YLPM1: variants seen among roughly 807,000 people sequenced by gnomAD.
The protein encoded by YLPM1 is YLP motif containing 1.
Under a neutral mutation model 230.0 loss-of-function variants are expected in YLPM1, and 99 were observed. The observed-to-expected ratio is 0.43, with a 90% CI of 0.37 to 0.51. The LOEUF (loss-of-function observed/expected upper bound fraction) is 0.51, where lower values mean the gene tolerates loss of function less well. Among genes scored for constraint, YLPM1 ranks in the 20% least tolerant of loss-of-function variants. YLPM1 has a pLI of 0.00. For missense variants in YLPM1, 2,592 were observed against 2,707.7 expected (o/e 0.96, Z 0.95); for synonymous variants, 984 against 942.5 (o/e 1.04, Z -0.81).
At chr14:74,775,086 A>G (rs2091021023) in intron 1 of YLPM1, among the ~76,000 whole-genome samples, 2 of 152,230 alleles carry the variant, frequency 1.3e-5, no homozygotes, top group Non-Finnish European at 2.9e-5. Context: ...GCTGATGATT[A>G]TATGTATAAT....
In YLPM1 at chr14:74,799,385, G is replaced by T; in HGVS notation, c.4088G>T (p.Arg1363Leu). 1.2e-6 allele frequency: 2 copies of T among 1,614,002 alleles called. No individual in the cohort carries two copies. The highest frequency in any genetic ancestry group is 1.7e-6 in the Non-Finnish European group (2 of 1,179,892). Residue 1363 changes from arginine (R) to leucine (L), a missense_variant, in exon 5 of 21, where the codon CGA becomes CTA. Transcript: ENST00000325680. Reference protein sequence around the residue: ...EERNREHGYDRDFRDRGELRI... With the variant: ...EERNREHGYDLDFRDRGELRI... ...AGAAATCGAGAGCATGGGTATGATC[G>T]AGATTTCCGTGATAGGGGTGAGTTG...
chr14:74,779,106 T>C (rs2091069412), intron 2 of YLPM1, among the ~76,000 whole-genome samples: 1 of 152,050 alleles, frequency 6.6e-6, no homozygotes, highest in South Asian at 2.1e-4. Context: ...CCTCCCAAAG[T>C]GCTTGGATTA....
At chr14:74,825,454 A>G (rs1295034899) in intron 18 of YLPM1, among the ~76,000 whole-genome samples, 1 of 152,150 alleles carries the variant, frequency 6.6e-6, no homozygotes, top group Admixed American at 6.6e-5. Flanking sequence ...ATATTCTTCT[A>G]GTAGTCTTCC....
At chr14:74,834,367 A>C (rs1385849300) in intron 19 of YLPM1, among the ~76,000 whole-genome samples, 1 of 152,200 alleles carries the variant, frequency 6.6e-6, no homozygotes, top group African/African-American at 2.4e-5. Context: ...TGAAAGTAAT[A>C]ATACCAGCTT....
intron 1 of YLPM1, among the ~76,000 whole-genome samples, chr14:74,774,733 G>A (rs1429939602): frequency 2.6e-5 from 4 of 151,252 alleles, no homozygotes; most frequent in Non-Finnish European, 5.9e-5. Flanking sequence ...TTGTAGAGAC[G>A]GGGTTTCACC....
intron 1 of YLPM1, among the ~76,000 whole-genome samples, chr14:74,768,319 G>A (rs771743154): frequency 2.6e-5 from 4 of 151,974 alleles, no homozygotes; most frequent in Non-Finnish European, 4.4e-5. Flanking sequence ...GTGAAATCTC[G>A]GCTCACTGCA....
chr14:74,808,555 C>T (rs1284195819), intron 6 of YLPM1, among the ~76,000 whole-genome samples: 1 of 152,046 alleles, frequency 6.6e-6, no homozygotes, highest in Non-Finnish European at 1.5e-5. Flanking sequence ...GTAATCCCAG[C>T]ATTTTGGGAG....
intron 18 of YLPM1, among the ~76,000 whole-genome samples, chr14:74,828,993 C>T (rs750010274): frequency 2.0e-5 from 3 of 152,112 alleles, no homozygotes; most frequent in East Asian, 1.9e-4. Flanking sequence ...AAACCAACAT[C>T]GTAAACATAA....
intron 1 of YLPM1, among the ~76,000 whole-genome samples, chr14:74,766,356 T>C (rs1044215350): frequency 6.6e-6 from 1 of 152,206 alleles, no homozygotes; most frequent in South Asian, 2.1e-4. Flanking sequence ...AAATTTCTTA[T>C]CGTGAAATAT....
At chr14:74,802,217 CAAAAAAAAAAAA>C in intron 5 of YLPM1, among the ~76,000 whole-genome samples, 1 of 95,028 alleles carries the variant, frequency 1.1e-5, no homozygotes, top group South Asian at 3.2e-4. Flanking sequence ...GACTCTGTCT[CAAAAAAAAAAAA>C]AAAAAAATAG....
At chr14:74,810,510 T>C in intron 9 of YLPM1, 90 bp downstream of exon 9, 3 of 1,320,706 alleles carry the variant, frequency 2.3e-6, no homozygotes, top group Non-Finnish European at 1.0e-6. Context: ...TAACATATTC[T>C]TCTCATGCAT....
chr14:74,778,650 A>C lies in YLPM1; in HGVS notation c.1077A>C (p.Glu359Asp). 2 of 1,582,048 alleles carry C rather than the reference A, an allele frequency of 1.3e-6. No homozygotes were observed. The highest frequency in any genetic ancestry group is 1.7e-4 in the Middle Eastern group (1 of 5,994). Residue 359 changes from glutamate (E) to aspartate (D), a missense_variant, in exon 2 of 21, where the codon GAA becomes GAC. Around this residue, in one of 4 missense-constraint regions of YLPM1, gnomAD observed 1,862 missense variants for 1,819.8 expected, o/e 1.02. Transcript: ENST00000325680. Reference sequence around the variant, plus strand: ...CCCCATTGCCACCTCCAAATGAGGAAGTGCCACCTCCTCTCCCACCTGAGG... The same window carrying C: ...CCCCATTGCCACCTCCAAATGAGGACGTGCCACCTCCTCTCCCACCTGAGG... ...EEPPLPPPNE[E>D]VPPPLPPEEP...
Position 74,803,726 on chromosome 14 carries a change from CCTCCATCTTG to C in YLPM1, c.4521+1063_4521+1072del, listed in dbSNP as rs369131452. Among the ~76,000 whole-genome samples the C allele has an allele frequency of 3.9e-3, 600 of 152,288 alleles. 5 individuals are homozygous for C. The highest frequency in any genetic ancestry group is 0.012 in the African/African-American group (509 of 41,544). ...CCTAACTTGAAACCTGAAAATCAAC[CCTCCATCTTG>C]CTCCATCTTGCTGATTTGTCCTACC... On this transcript the variant is annotated intron_variant, in intron 6 of 20. Transcript: ENST00000325680.
At position 74,780,664 on chromosome 14, in the gene YLPM1, A is replaced by C. The variant is rs962704422; in HGVS notation, c.1290+80A>C. 4 of 1,497,310 alleles carry C rather than the reference A, an allele frequency of 2.7e-6. No individual in the cohort carries two copies. The Admixed American group carries it at 6.5e-5, about 24-fold the overall frequency. 92.8% of individuals were successfully genotyped at this position (1,497,310 alleles called of 1,614,324 possible). A position where few individuals can be genotyped will look rare whatever the true frequency, so the allele number is the denominator to read the frequency against. On this transcript the variant is annotated intron_variant, in intron 3 of 20. Transcript: ENST00000325680. Reference sequence around the variant, plus strand: ...TGTTATTCTTGAAAGATTTAAGTGTAAAAAACAAAAGATACCAACTGTTGA... The same window carrying C: ...TGTTATTCTTGAAAGATTTAAGTGTCAAAAACAAAAGATACCAACTGTTGA...
intron 16 of YLPM1, 80 bp downstream of exon 16, chr14:74,818,394 A>G (rs1203807564): frequency 1.6e-6 from 2 of 1,232,152 alleles, no homozygotes; most frequent in African/African-American, 3.0e-5. Flanking sequence ...TAAAACCTAC[A>G]GAAAAGTTAT....
In YLPM1 at chr14:74,798,751, A is replaced by G. The variant is rs1475307783; in HGVS notation, c.3454A>G (p.Ser1152Gly). ...GAGAGGACCACCTCGAGGGCCTGGC[A>G]GTCGAGAAAGGGGACTGGGAAGATC... ...RERGPPRGPG[S>G]RERGLGRSDF... The change falls in exon 5 of 21, where the codon AGT becomes GGT. Residue 1152 changes from serine to glycine, a missense_variant. Ser to Gly is a moderately conservative substitution (Grantham distance 56). Transcript: ENST00000325680. 3.1e-6 allele frequency: 5 copies of G among 1,613,362 alleles called. No individual in the cohort carries two copies. The African/African-American group carries it at 5.3e-5, about 17-fold the overall frequency.
chr14:74,813,656 G>T (rs980076686), intron 11 of YLPM1, among the ~76,000 whole-genome samples: 2 of 151,966 alleles, frequency 1.3e-5, no homozygotes, highest in Non-Finnish European at 2.9e-5. Context: ...CATTACACAG[G>T]TATTTTGTGT....
chr14:74,812,757 C>G lies in YLPM1; in HGVS notation c.5477C>G (p.Pro1826Arg), dbSNP rs776882142. 1 of 1,613,358 alleles carries G rather than the reference C, an allele frequency of 6.2e-7. No individual in the cohort carries two copies. ...AATGTGGACGATATTTTGAAACCACCGGGCCGGGAGAGCAGACCTGAGAGA... is the reference window on the plus strand; with the variant it reads ...AATGTGGACGATATTTTGAAACCACGGGGCCGGGAGAGCAGACCTGAGAGA... ...SKNVDDILKPPGRESRPERIV... is the reference protein window; with the variant it reads ...SKNVDDILKPRGRESRPERIV... Residue 1826 changes from proline (P) to arginine (R), a missense_variant, in exon 11 of 21, where the codon CCG (proline) becomes CGG (arginine). Transcript: ENST00000325680.
In YLPM1 at chr14:74,799,365, T is replaced by C. The variant is rs1319360859; in HGVS notation, c.4068T>C (p.Asn1356=). 6.2e-7 allele frequency: 1 copy of C among 1,613,896 alleles called. No homozygotes were observed. Among genetic ancestry groups the C allele is most frequent in the Admixed American group, 1.7e-5 (1 of 60,014 alleles). Residue 1356 remains asparagine (N), a synonymous_variant, in exon 5 of 21, where the codon AAT becomes AAC. Coordinates refer to ENST00000325680, the MANE Select transcript of YLPM1 (RefSeq NM_019589.3). ...ATGATAGATGGAGAGAAGAAAGAAA[T>C]CGAGAGCATGGGTATGATCGAGATT... The part of the protein sequence containing the change: ...YRDDRWREER[N]REHGYDRDFR...
Sources: gnomAD v4.1 joint callset for allele counts (sites outside exome capture counted in the v4.1 genomes callset) on GRCh38, gnomAD v4.1.1 for gene constraint, gnomAD v4.1.1 regional missense constraint, MANE v1.5 for transcripts, NCBI Gene and HGNC (gene_info 2026-07-23, HGNC 2026-07-21) for gene names.